The following KIF6 variants were observed in gnomAD, a reference collection of about 807,000 sequenced individuals.
KIF6 encodes the protein kinesin-like protein KIF6.
A neutral mutation model predicts 112.7 loss-of-function variants in KIF6; 106 were observed. The observed-to-expected ratio is 0.94, with a 90% CI of 0.80 to 1.11. KIF6 has a LOEUF of 1.11. Among genes scored for constraint, KIF6 ranks in the 50% least tolerant of loss-of-function variants. The pLI, the probability that KIF6 is intolerant of heterozygous loss-of-function variation, is 0.00. For missense variants in KIF6, 929 were observed against 964.0 expected (o/e 0.96, Z 0.48); for synonymous variants, 339 against 339.9 (o/e 1.00, Z 0.03).
chr6:39,390,031 C>CAAAA (rs943420819), intron 15 of KIF6, among the ~76,000 whole-genome samples: 2 of 43,498 alleles, frequency 4.6e-5, no homozygotes, highest in Admixed American at 2.1e-4. Context: ...ACTCTGTCTC[C>CAAAA]AAAAAAAAAA....
rs1762699948 is a variant in KIF6 at position 39,330,442 on chromosome 6, G to A, written c.*6090C>T. 1 of 152,248 alleles carries A rather than the reference G, an allele frequency of 6.6e-6. No homozygotes were observed. Among genetic ancestry groups the A allele is most frequent in the African/African-American group, 2.4e-5 (1 of 41,458 alleles). 9.4% of individuals were successfully genotyped at this position (152,248 alleles called of 1,614,324 possible). On this transcript the variant is annotated 3_prime_UTR_variant, in exon 23 of 23. Transcript: ENST00000287152. ...TTACCCCCAAAACATGGGGCTGAAG[G>A]CATGGGGACTGCTTGCCTCAGTCTA...
At chr6:39,449,826 TG>T (rs752191584) in intron 13 of KIF6, among the ~76,000 whole-genome samples, 3 of 152,192 alleles carry the variant, frequency 2.0e-5, no homozygotes, top group Non-Finnish European at 2.9e-5. Context: ...GTGCCAACCC[TG>T]GAACTGAGCT....
At chr6:39,381,794 A>C (rs566004598) in intron 16 of KIF6, among the ~76,000 whole-genome samples, 1 of 152,216 alleles carries the variant, frequency 6.6e-6, no homozygotes, top group South Asian at 2.1e-4. Context: ...TTTTAAAATA[A>C]ATAGGTATTT....
chr6:39,703,409 G>A lies in KIF6; in HGVS notation c.251+11283C>T, dbSNP rs188708590. ...AAACCAATTAAATGCTCAGGGTCCC[G>A]TTTTTCATCTAAAATGGGAATAATA... On this transcript the variant is annotated intron_variant, in intron 3 of 22. Coordinates refer to ENST00000287152, the MANE Select transcript of KIF6 (RefSeq NM_145027.6). 5.1e-3 allele frequency among the ~76,000 whole-genome samples: 781 copies of A among 152,138 alleles called. 5 individuals are homozygous for A. Among genetic ancestry groups the A allele is most frequent in the African/African-American group, 0.018 (745 of 41,532 alleles).
chr6:39,424,802 G>A lies in KIF6; in HGVS notation c.1755-4799C>T, dbSNP rs367793144. ...TGTGAAGTGGGAATGTGTGTTGGAA[G>A]CAGTAACCACAGACAATAGTTTGTC... is the stretch of plus-strand genomic sequence containing the variant. On this transcript the variant is annotated intron_variant, in intron 14 of 22. Coordinates refer to ENST00000287152, the MANE Select transcript of KIF6 (RefSeq NM_145027.6). 2.3e-4 allele frequency among the ~76,000 whole-genome samples: 35 copies of A among 152,356 alleles called. No individual in the cohort carries two copies. In the East Asian group the frequency reaches 4.4e-3, roughly 19 times the overall value.
intron 3 of KIF6, among the ~76,000 whole-genome samples, chr6:39,664,811 C>A (rs1334920348): frequency 6.6e-6 from 1 of 151,992 alleles, no homozygotes; most frequent in Non-Finnish European, 1.5e-5. Context: ...TACCGTAATG[C>A]CAAATGTTGA....
chr6:39,353,425 A>C (rs1413606188), intron 19 of KIF6, among the ~76,000 whole-genome samples: 1 of 151,992 alleles, frequency 6.6e-6, no homozygotes, highest in East Asian at 1.9e-4. Flanking sequence ...TGAGTGGTTT[A>C]TTTTCTTATT....
intron 2 of KIF6, among the ~76,000 whole-genome samples, chr6:39,719,503 C>T (rs1790081213): frequency 6.6e-6 from 1 of 152,150 alleles, no homozygotes; most frequent in African/African-American, 2.4e-5. Context: ...AAATCCGTCA[C>T]CAAAATTTGG....
At chr6:39,531,869 T>C (rs568820221) in intron 13 of KIF6, among the ~76,000 whole-genome samples, 1 of 152,288 alleles carries the variant, frequency 6.6e-6, no homozygotes, top group East Asian at 1.9e-4. Flanking sequence ...AGTCTTAGTG[T>C]CCTCTGTCAA....
At chr6:39,410,279 T>C (rs978640176) in intron 15 of KIF6, among the ~76,000 whole-genome samples, 4 of 152,244 alleles carry the variant, frequency 2.6e-5, no homozygotes, top group Admixed American at 1.3e-4. Flanking sequence ...ACTACTACGA[T>C]GAGATTTAGA....
At chr6:39,639,936 C>T (rs1291062389) in intron 3 of KIF6, among the ~76,000 whole-genome samples, 179 bp from the exon 4 acceptor site, 3 of 152,060 alleles carry the variant, frequency 2.0e-5, no homozygotes. Context: ...CTAGGAACAG[C>T]AGCACATCAA....
intron 3 of KIF6, among the ~76,000 whole-genome samples, chr6:39,703,076 C>A (rs1788967525): frequency 3.3e-5 from 1 of 29,928 alleles, no homozygotes; most frequent in Admixed American, 5.6e-4. Context: ...AATCCACCAA[C>A]CCCCCACCCC....
intron 13 of KIF6, among the ~76,000 whole-genome samples, chr6:39,442,477 C>T (rs182203113): frequency 7.0e-4 from 107 of 152,236 alleles, no homozygotes; most frequent in African/African-American, 2.4e-3. Context: ...TACAGAAATC[C>T]GTGGACAGAC....
intron 14 of KIF6, among the ~76,000 whole-genome samples, chr6:39,421,598 T>C (rs1217772828): frequency 1.3e-5 from 2 of 152,164 alleles, no homozygotes. Flanking sequence ...AAGTGTGAAT[T>C]ATGTCATTGC....
chr6:39,337,287 TCTTC>T (rs546799232), intron 22 of KIF6, among the ~76,000 whole-genome samples: 45 of 116,394 alleles, frequency 3.9e-4, no homozygotes, highest in African/African-American at 1.1e-3. Context: ...TCCCTTCCCC[TCTTC>T]CTTCCTTCCT....
At chr6:39,708,736 A>AATGTCTAGACTTCAT (rs1789359119) in intron 3 of KIF6, among the ~76,000 whole-genome samples, 1 of 152,178 alleles carries the variant, frequency 6.6e-6, no homozygotes, top group Non-Finnish European at 1.5e-5. Flanking sequence ...AGACCTCACA[A>AATGTCTAGACTTCAT]ATGTCTAGAC....
chr6:39,501,896 G>T lies in KIF6; in HGVS notation c.1645+38107C>A, dbSNP rs573367862. Among the ~76,000 whole-genome samples, 3 of 152,292 alleles carry T rather than the reference G, an allele frequency of 2.0e-5. No individual in the cohort carries two copies. The South Asian group carries it at 6.2e-4, about 32-fold the overall frequency. On this transcript the variant is annotated intron_variant, in intron 13 of 22. Transcript: ENST00000287152. ...AAAGAGACAGGGAGAATGGAACCAA[G>T]TTGGAAAAGACACTTCAGGAAATCA...
intron 3 of KIF6, among the ~76,000 whole-genome samples, chr6:39,671,617 C>T (rs993810498): frequency 6.6e-6 from 1 of 152,168 alleles, no homozygotes; most frequent in African/African-American, 2.4e-5. Flanking sequence ...CTCACGCCAT[C>T]CCAGACATCT....
intron 10 of KIF6, among the ~76,000 whole-genome samples, chr6:39,562,889 T>C (rs927979520): frequency 2.6e-5 from 4 of 152,242 alleles, no homozygotes; most frequent in African/African-American, 4.8e-5. Context: ...TTTAAATGTC[T>C]TTATTTTGCC....
Sources: allele counts gnomAD v4.1 joint callset (sites outside exome capture counted in the v4.1 genomes callset), GRCh38; gene constraint gnomAD v4.1.1; transcripts MANE v1.5; gene names NCBI Gene and HGNC (gene_info 2026-07-23, HGNC 2026-07-21).